TAFA4: variants seen among roughly 807,000 people sequenced by gnomAD.
TAFA4 encodes the protein chemokine-like protein TAFA-4.
TAFA4 carries 20 observed loss-of-function variants against 21.1 expected under a neutral mutation model. The observed-to-expected ratio is 0.95, with a 90% CI of 0.67 to 1.38. The LOEUF is 1.38. Ranked by LOEUF, TAFA4 falls within the 40% of genes most tolerant of loss-of-function variation. The pLI is 0.00. For synonymous variants in TAFA4, 71 were observed against 67.4 expected, an observed-to-expected ratio of 1.05 and a Z score of -0.26; for missense variants, 211 against 180.9, an observed-to-expected ratio of 1.17 and a Z score of -0.95.
intron 3 of TAFA4, among the ~76,000 whole-genome samples, chr3:68,769,689 T>C (rs568625440): frequency 6.6e-6 from 1 of 152,216 alleles, no homozygotes; most frequent in Non-Finnish European, 1.5e-5. Context: ...CCCATAAATA[T>C]GTACAATTAT....
chr3:68,802,505 T>G (rs1703599114), intron 3 of TAFA4, among the ~76,000 whole-genome samples: 1 of 152,052 alleles, frequency 6.6e-6, no homozygotes. Context: ...CACCAAAATT[T>G]AGTGCACTAG....
intron 3 of TAFA4, among the ~76,000 whole-genome samples, chr3:68,857,805 C>G (rs1288126149): frequency 1.6e-5 from 2 of 123,904 alleles, no homozygotes; most frequent in Non-Finnish European, 3.4e-5. Flanking sequence ...TAACATCATT[C>G]AAAACAAAAA....
intron 3 of TAFA4, among the ~76,000 whole-genome samples, chr3:68,820,141 G>A (rs1355932237): frequency 6.6e-6 from 1 of 152,198 alleles, no homozygotes; most frequent in Admixed American, 6.5e-5. Context: ...GAATAACACA[G>A]ATGAACCTGG....
rs150247522 is a variant in TAFA4, at chr3:68,823,172, G to A, written c.130+57558C>T. 3.2e-3 allele frequency among the ~76,000 whole-genome samples: 484 copies of A among 152,168 alleles called. 2 individuals are homozygous for A. Among genetic ancestry groups the A allele is most frequent in the African/African-American group, 0.011 (454 of 41,518 alleles). ...TGAGGTCTTCAGGCTTGAAGGGGTC[G>A]ACAGAATTTGGGGAAATGGGGTGCT... On this transcript the variant is annotated intron_variant, in intron 3 of 5. Coordinates refer to ENST00000295569, the MANE Select transcript of TAFA4 (RefSeq NM_182522.5).
chr3:68,842,676 G>C (rs1339018658), intron 3 of TAFA4, among the ~76,000 whole-genome samples: 1 of 152,108 alleles, frequency 6.6e-6, no homozygotes, highest in Non-Finnish European at 1.5e-5. Context: ...TACGGTTTTA[G>C]GTCTTATGTT....
intron 3 of TAFA4, among the ~76,000 whole-genome samples, chr3:68,794,504 G>A (rs567255277): frequency 6.6e-6 from 1 of 152,160 alleles, no homozygotes; most frequent in African/African-American, 2.4e-5. Context: ...CTCCTCCCCC[G>A]CACCATTCAC....
chr3:68,733,082 C>A lies in TAFA4; in HGVS notation c.*60G>T. Reference sequence around the variant, plus strand: ...CTGCAAAGGGGCCATGATGGGAATCCAAGCAAAAGAGCTCCGCCTCCTGCT... The same window carrying A: ...CTGCAAAGGGGCCATGATGGGAATCAAAGCAAAAGAGCTCCGCCTCCTGCT... On this transcript the variant is annotated 3_prime_UTR_variant, in exon 6 of 6. Transcript: ENST00000295569. 1 of 1,607,288 alleles carries A rather than the reference C, an allele frequency of 6.2e-7. No homozygotes were observed. The highest frequency in any genetic ancestry group is 8.5e-7 in the Non-Finnish European group (1 of 1,176,668).
In TAFA4 at chr3:68,857,462, G is replaced by A. The variant is rs116008002; in HGVS notation, c.130+23268C>T. Among the ~76,000 whole-genome samples the A allele has an allele frequency of 5.9e-3, 893 of 152,114 alleles. 8 individuals carry two copies. Among genetic ancestry groups the A allele is most frequent in the African/African-American group, 0.021 (860 of 41,484 alleles). On this transcript the variant is annotated intron_variant, in intron 3 of 5. Coordinates refer to ENST00000295569, the MANE Select transcript of TAFA4 (RefSeq NM_182522.5). ...GTTAGGTAATGAGGACCAATGGATG[G>A]CAACTTTTGATCACCCAGAAAATGC...
chr3:68,884,202 T>A (rs1387757243), intron 2 of TAFA4, among the ~76,000 whole-genome samples: 1 of 152,220 alleles, frequency 6.6e-6, no homozygotes, highest in Admixed American at 6.5e-5. Flanking sequence ...TTCCCCTATA[T>A]TGAGGGCTGG....
chr3:68,750,769 T>C (rs1402939766), intron 4 of TAFA4, among the ~76,000 whole-genome samples: 1 of 152,166 alleles, frequency 6.6e-6, no homozygotes, highest in East Asian at 1.9e-4. Context: ...GGTTAGACAA[T>C]ATAAAAAGAG....
At chr3:68,825,889 A>C (rs1704217042) in intron 3 of TAFA4, among the ~76,000 whole-genome samples, 1 of 152,232 alleles carries the variant, frequency 6.6e-6, no homozygotes, top group South Asian at 2.1e-4. Flanking sequence ...GTAAAACTTC[A>C]TCAGTTCAAA....
chr3:68,756,649 G>A (rs906618862), intron 3 of TAFA4, among the ~76,000 whole-genome samples: 2 of 152,122 alleles, frequency 1.3e-5, no homozygotes, highest in Admixed American at 6.6e-5. Flanking sequence ...ATGCTAAGGC[G>A]AAGTTTCATT....
chr3:68,798,757 T>G (rs1703507828), intron 3 of TAFA4, among the ~76,000 whole-genome samples: 1 of 152,196 alleles, frequency 6.6e-6, no homozygotes, highest in South Asian at 2.1e-4. Context: ...TTAAAACTTG[T>G]AAAACTGTTT....
At chr3:68,842,654 T>A (rs1387718793) in intron 3 of TAFA4, among the ~76,000 whole-genome samples, 2 of 152,236 alleles carry the variant, frequency 1.3e-5, no homozygotes, top group Non-Finnish European at 2.9e-5. Context: ...CTAGGTTTTC[T>A]TCTAGGGTTT....
At chr3:68,817,457 C>G (rs1704007823) in intron 3 of TAFA4, among the ~76,000 whole-genome samples, 1 of 152,102 alleles carries the variant, frequency 6.6e-6, no homozygotes, top group Admixed American at 6.6e-5. Flanking sequence ...CTTTTGACCT[C>G]CTCCCATAAA....
chr3:68,811,172 C>A (rs1036283172), intron 3 of TAFA4, among the ~76,000 whole-genome samples: 10 of 152,120 alleles, frequency 6.6e-5, no homozygotes, highest in South Asian at 2.1e-4. Flanking sequence ...CCCCATCTGT[C>A]GGTCACCATC....
intron 3 of TAFA4, among the ~76,000 whole-genome samples, chr3:68,820,627 C>T (rs1192998433): frequency 6.6e-6 from 1 of 152,120 alleles, no homozygotes; most frequent in East Asian, 1.9e-4. Flanking sequence ...GATAGCACCA[C>T]TGTACTCCAA....
At chr3:68,871,564 C>CA (rs1334234992) in intron 3 of TAFA4, among the ~76,000 whole-genome samples, 1 of 151,866 alleles carries the variant, frequency 6.6e-6, no homozygotes, top group Non-Finnish European at 1.5e-5. Context: ...GTCACAAAAG[C>CA]AAAAATTTTC....
chr3:68,921,344 A>C (rs1335700291), intron 1 of TAFA4, among the ~76,000 whole-genome samples: 1 of 152,122 alleles, frequency 6.6e-6, no homozygotes, highest in East Asian at 1.9e-4. Context: ...AATATTTCAC[A>C]AACTTCCAAT....
Sources: allele counts gnomAD v4.1 joint callset (sites outside exome capture counted in the v4.1 genomes callset), GRCh38; gene constraint gnomAD v4.1.1; transcripts MANE v1.5; gene names NCBI Gene and HGNC (gene_info 2026-07-23, HGNC 2026-07-21).